AMD1: variants seen among roughly 807,000 people sequenced by gnomAD.
AMD1 encodes the protein adenosylmethionine decarboxylase 1, also known as S-adenosylmethionine decarboxylase proenzyme.
A neutral mutation model predicts 40.2 loss-of-function variants in AMD1; 11 were observed. The ratio of observed to expected loss-of-function variants is 0.27; its 90% CI spans 0.17 to 0.45. The LOEUF is 0.45. Among genes scored for constraint, AMD1 ranks in the 20% least tolerant of loss-of-function variants. The pLI is 1.00. For synonymous variants in AMD1, 121 were observed against 130.8 expected, an observed-to-expected ratio of 0.93 and a Z score of 0.51; for missense variants, 257 against 410.2, an observed-to-expected ratio of 0.63 and a Z score of 3.23.
chr6:110,814,967 C>G, the AMD1 span: 7 of 1,596,424 alleles, frequency 4.4e-6, no homozygotes, highest in Middle Eastern at 1.7e-4. Flanking sequence ...GCGGGCAGGG[C>G]GAGGACCCGA....
chr6:110,837,213 C>T, the AMD1 span, among the ~76,000 whole-genome samples: 1 of 136,108 alleles, frequency 7.3e-6, no homozygotes, highest in Non-Finnish European at 1.5e-5. Context: ...TCACACCTGT[C>T]ATCCTAGCAC....
At chr6:110,815,091 C>G in the AMD1 span, 1 of 1,603,144 alleles carries the variant, frequency 6.2e-7, no homozygotes, top group Non-Finnish European at 8.5e-7. Flanking sequence ...AAATCCTCCA[C>G]CCGCTCCCGC....
the AMD1 span, among the ~76,000 whole-genome samples, chr6:110,816,572 A>G: frequency 1.4e-4 from 22 of 152,236 alleles, no homozygotes; most frequent in Non-Finnish European, 2.6e-4. Context: ...TTGTAAAGAG[A>G]AATTTACATT....
chr6:110,865,093 C>T, the AMD1 span, among the ~76,000 whole-genome samples: 1 of 152,180 alleles, frequency 6.6e-6, no homozygotes, highest in South Asian at 2.1e-4. Context: ...TTCCAAACAG[C>T]AGAAACAGAT....
the AMD1 span, among the ~76,000 whole-genome samples, chr6:110,863,235 A>G: frequency 7.7e-4 from 115 of 149,574 alleles, no homozygotes; most frequent in Non-Finnish European, 1.4e-3. Flanking sequence ...ATGAGCCACC[A>G]CGCCTGGCCC....
intron 4 of AMD1, chr6:110,891,078 T>TTG (rs1278390747): frequency 2.0e-5 from 3 of 152,232 alleles, no homozygotes; most frequent in Admixed American, 6.5e-5. Context: ...TCACTCTACT[T>TTG]TATGTCTCAC....
chr6:110,832,086 C>T, the AMD1 span, among the ~76,000 whole-genome samples: 264 of 149,588 alleles, frequency 1.8e-3, 13 homozygotes, highest in South Asian at 0.055. Flanking sequence ...GATCTCGGCT[C>T]ACTGCAACCT....
At chr6:110,859,069 A>C in the AMD1 span, 1 of 1,275,348 alleles carries the variant, frequency 7.8e-7, no homozygotes, top group Non-Finnish European at 1.1e-6. Flanking sequence ...ACAGTGGCCG[A>C]CAGGGCTCCC....
At chr6:110,890,701 C>T (rs1029932526) in intron 4 of AMD1, 2 of 162,564 alleles carry the variant, frequency 1.2e-5, no homozygotes, top group African/African-American at 4.8e-5. Context: ...ATTGCCCAGG[C>T]CGGTCTTGAA....
At chr6:110,848,527 A>G in the AMD1 span, 4 of 293,848 alleles carry the variant, frequency 1.4e-5, no homozygotes, top group Admixed American at 1.4e-4. Flanking sequence ...TTAGCAAAAA[A>G]CAACAACAAC....
the AMD1 span, among the ~76,000 whole-genome samples, chr6:110,839,619 TA>T: frequency 6.6e-6 from 1 of 152,136 alleles, no homozygotes; most frequent in African/African-American, 2.4e-5. Context: ...AGCCTCAATC[TA>T]AAAAATAAAT....
At chr6:110,841,118 A>T in the AMD1 span, among the ~76,000 whole-genome samples, 1 of 152,210 alleles carries the variant, frequency 6.6e-6, no homozygotes, top group Non-Finnish European at 1.5e-5. Context: ...GGTTCAAGCG[A>T]TTCTCCTACC....
the AMD1 span, chr6:110,848,690 T>A: frequency 2.8e-6 from 1 of 356,378 alleles, no homozygotes; most frequent in South Asian, 2.9e-5. Context: ...CCTGAGACAG[T>A]TAACTGATGG....
chr6:110,890,661 T>A (rs939363635), intron 4 of AMD1: 60 of 180,372 alleles, frequency 3.3e-4, no homozygotes, highest in Non-Finnish European at 6.0e-4. Flanking sequence ...AATTTTTTTT[T>A]AATTTTTAGT....
the AMD1 span, among the ~76,000 whole-genome samples, chr6:110,837,603 C>T: frequency 8.1e-5 from 12 of 147,312 alleles, no homozygotes; most frequent in Middle Eastern, 3.6e-3. Context: ...CCCAGCTATT[C>T]GGGAGTCTGA....
chr6:110,831,300 G>A, the AMD1 span, among the ~76,000 whole-genome samples: 3,587 of 151,904 alleles, frequency 0.024, 124 homozygotes, highest in African/African-American at 0.083. Flanking sequence ...TTAGCCAGGC[G>A]TGGTGGCAGG....
chr6:110,826,747 A>C, the AMD1 span, among the ~76,000 whole-genome samples: 52 of 142,492 alleles, frequency 3.6e-4, no homozygotes, highest in Non-Finnish European at 1.3e-4. Context: ...GCTGGAGTGC[A>C]GTGGCGAAAT....
chr6:110,825,302 T>C, the AMD1 span, among the ~76,000 whole-genome samples: 1 of 152,230 alleles, frequency 6.6e-6, no homozygotes, highest in South Asian at 2.1e-4. Context: ...TTCTGTATTA[T>C]GGGTAACTAG....
At chr6:110,876,193 A>G (rs1447436091) in intron 1 of AMD1, among the ~76,000 whole-genome samples, 1 of 152,250 alleles carries the variant, frequency 6.6e-6, no homozygotes, top group Non-Finnish European at 1.5e-5. Context: ...ATCCATGCTT[A>G]TATAAAAGCC....
Sources: gnomAD v4.1 joint callset for allele counts (sites outside exome capture counted in the v4.1 genomes callset) on GRCh38, gnomAD v4.1.1 for gene constraint, MANE v1.5 for transcripts, NCBI Gene and HGNC (gene_info 2026-07-23, HGNC 2026-07-21) for gene names.